Variants in SEC23A observed in about 807,000 individuals in gnomAD.
SEC23A encodes SEC23 homolog A, COPII component, also known as protein transport protein Sec23A.
A neutral mutation model predicts 103.7 loss-of-function variants in SEC23A; 56 were observed. That is an observed-to-expected ratio of 0.54 (90% CI 0.44 to 0.67). The LOEUF (loss-of-function observed/expected upper bound fraction) is 0.67, where lower values mean the gene tolerates loss of function less well. Ranked by LOEUF, SEC23A falls within the 30% of genes least tolerant of loss-of-function variation. The probability of loss-of-function intolerance (pLI) is 0.00; values close to 1 mark genes in which losing one functional copy is unlikely to be tolerated. For missense variants in SEC23A, 784 were observed against 936.4 expected, an observed-to-expected ratio of 0.84 and a Z score of 2.12; for synonymous variants, 281 against 293.0, an observed-to-expected ratio of 0.96 and a Z score of 0.42.
Position 39,092,691 on chromosome 14 carries a change from TAAAC to T in SEC23A, c.280-68_280-65del, listed in dbSNP as rs937738964. The T allele has an allele frequency of 4.9e-5, 44 of 905,200 alleles. No homozygotes were observed. The African/African-American group carries it at 6.9e-4, about 14-fold the overall frequency. The allele number at this position is 905,200 out of a possible 1,614,324, so 56.1% of individuals were successfully genotyped here. ...TAGGCTAGAAAGATTAATAAAATTT[TAAAC>T]AAAGTATTTCCTGATCATTTAATTA... On this transcript the variant is annotated intron_variant, in intron 3 of 19. Transcript: ENST00000307712.
At chr14:39,039,852 A>G (rs1284244465) in intron 18 of SEC23A, 1 of 152,188 alleles carries the variant, frequency 6.6e-6, no homozygotes, top group Non-Finnish European at 1.5e-5. Context: ...TATCTGTTAA[A>G]TGAAAATAAC....
chr14:39,076,701 G>A (rs1328287557), intron 7 of SEC23A, among the ~76,000 whole-genome samples: 3 of 152,006 alleles, frequency 2.0e-5, no homozygotes, highest in Admixed American at 2.0e-4. Flanking sequence ...TGAGGCGGGT[G>A]GGTCACCTGA....
At chr14:39,053,330 G>A (rs992418048) in intron 14 of SEC23A, among the ~76,000 whole-genome samples, 1 of 152,108 alleles carries the variant, frequency 6.6e-6, no homozygotes, top group African/African-American at 2.4e-5. Context: ...AAATAACAGT[G>A]AAATTCAAGG....
chr14:39,033,251 G>A lies in SEC23A; in HGVS notation c.2286C>T (p.Ser762=). ...CATTATTAGCACTTCAAGCAGCACT[G>A]GACACAGCAAGTTTCTTCAAGTGAT... ...FMDHLKKLAV[S]SAA Residue 762 remains serine (S), a synonymous_variant, in exon 20 of 20, where the codon TCC becomes TCT. Transcript: ENST00000307712. 6.2e-7 allele frequency: 1 copy of A among 1,609,596 alleles called. No individual in the cohort carries two copies. The highest frequency in any genetic ancestry group is 8.5e-7 in the Non-Finnish European group (1 of 1,175,966).
intron 9 of SEC23A, among the ~76,000 whole-genome samples, chr14:39,073,449 C>T (rs1184010572): frequency 6.6e-6 from 1 of 151,852 alleles, no homozygotes; most frequent in African/African-American, 2.4e-5. Flanking sequence ...CGTGCCACCA[C>T]GCCCAGCTAA....
At chr14:39,060,570 A>G (rs1444704595) in intron 13 of SEC23A, among the ~76,000 whole-genome samples, 1 of 152,230 alleles carries the variant, frequency 6.6e-6, no homozygotes, top group Non-Finnish European at 1.5e-5. Flanking sequence ...TAAAGACCAA[A>G]GCCTGTTCAT....
At position 39,059,278 on chromosome 14, in the gene SEC23A, T is replaced by TAAAAAAAAAAAAAAAAAA. The variant is rs750853379; in HGVS notation, c.1505+2469_1505+2486dup. ...GGCCCCTAAAGTCATAGTCCTAGTT[T>TAAAAAAAAAAAAAAAAAA]AAAAAAAAAAAAAAAAAAAAAAAAA... On this transcript the variant is annotated intron_variant, in intron 13 of 19. Transcript: ENST00000307712. Among the ~76,000 whole-genome samples, 24 of 71,822 alleles carry TAAAAAAAAAAAAAAAAAA rather than the reference T, an allele frequency of 3.3e-4. 3 individuals are homozygous for TAAAAAAAAAAAAAAAAAA. Among genetic ancestry groups the TAAAAAAAAAAAAAAAAAA allele is most frequent in the African/African-American group, 8.2e-4 (16 of 19,498 alleles). The allele number at this position is 71,822 out of a possible 152,430, so 47.1% of individuals were successfully genotyped here. A position where few individuals can be genotyped will look rare whatever the true frequency, so the allele number is the denominator to read the frequency against.
chr14:39,071,835 G>T (rs1376593845), intron 9 of SEC23A, among the ~76,000 whole-genome samples: 8 of 152,184 alleles, frequency 5.3e-5, no homozygotes, highest in Non-Finnish European at 7.3e-5. Flanking sequence ...CTGCACTCCA[G>T]CCTGGGTGAC....
chr14:39,069,908 G>A (rs1320199865), intron 9 of SEC23A, among the ~76,000 whole-genome samples: 2 of 152,136 alleles, frequency 1.3e-5, no homozygotes, highest in Non-Finnish European at 2.9e-5. Context: ...ATTTAGAACT[G>A]CAAACCCCAA....
chr14:39,074,380 A>T (rs2139250286), intron 9 of SEC23A, 35 bp downstream of exon 9: 1 of 1,328,342 alleles, frequency 7.5e-7, no homozygotes, highest in East Asian at 2.3e-5. Context: ...TCATTTGCTT[A>T]TAATTACAAA....
At chr14:39,059,598 G>C (rs1886398506) in intron 13 of SEC23A, among the ~76,000 whole-genome samples, 1 of 152,016 alleles carries the variant, frequency 6.6e-6, no homozygotes, top group Non-Finnish European at 1.5e-5. Flanking sequence ...CCATCACCTA[G>C]ATTCATCAGT....
chr14:39,049,304 C>T (rs1885960560), intron 14 of SEC23A, among the ~76,000 whole-genome samples: 1 of 151,994 alleles, frequency 6.6e-6, no homozygotes, highest in South Asian at 2.1e-4. Context: ...GGTGAAACCG[C>T]ATCTCTACTA....
At chr14:39,071,250 A>G (rs1228088476) in intron 9 of SEC23A, among the ~76,000 whole-genome samples, 2 of 152,068 alleles carry the variant, frequency 1.3e-5, no homozygotes, top group Non-Finnish European at 2.9e-5. Context: ...CAGAAAAACT[A>G]TTAAAACTAA....
At chr14:39,102,208 G>A (rs1357517033) in intron 1 of SEC23A, among the ~76,000 whole-genome samples, 2 of 152,012 alleles carry the variant, frequency 1.3e-5, no homozygotes, top group African/African-American at 2.4e-5. Flanking sequence ...CTCCAGCCTG[G>A]GCGACAAAGC....
chr14:39,056,116 T>C (rs762364629), intron 13 of SEC23A, among the ~76,000 whole-genome samples: 18 of 152,378 alleles, frequency 1.2e-4, no homozygotes, highest in Middle Eastern at 3.4e-3. Context: ...ACATGAGCTT[T>C]CGTGCCACTA....
At chr14:39,101,040 C>T (rs1035399738) in intron 1 of SEC23A, among the ~76,000 whole-genome samples, 4 of 151,844 alleles carry the variant, frequency 2.6e-5, no homozygotes, top group Non-Finnish European at 5.9e-5. Flanking sequence ...GATGGGGTTT[C>T]ACCACGTTGG....
chr14:39,098,773 C>CAA (rs1287314938), intron 1 of SEC23A, among the ~76,000 whole-genome samples: 1 of 108,832 alleles, frequency 9.2e-6, no homozygotes, highest in Non-Finnish European at 1.9e-5. Context: ...GACTCCTTCT[C>CAA]AAAAAAAAAA....
chr14:39,045,431 A>T (rs1249884267), intron 15 of SEC23A, 107 bp from the exon 16 acceptor site: 1 of 748,684 alleles, frequency 1.3e-6, no homozygotes, highest in Non-Finnish European at 2.1e-6. Context: ...ATAACAAAAC[A>T]TGTTATTATA....
intron 4 of SEC23A, 49 bp from the exon 5 acceptor site, chr14:39,091,762 C>A: frequency 8.2e-7 from 1 of 1,212,394 alleles, no homozygotes; most frequent in Non-Finnish European, 1.2e-6. Context: ...TAAAGCACAG[C>A]ATACAAGACA....
Sources: gnomAD v4.1 joint callset for allele counts (sites outside exome capture counted in the v4.1 genomes callset) on GRCh38, gnomAD v4.1.1 for gene constraint, MANE v1.5 for transcripts, NCBI Gene and HGNC (gene_info 2026-07-23, HGNC 2026-07-21) for gene names.